Variants in EPHB2 observed in about 807,000 individuals in gnomAD.
EPHB2 encodes ephrin type-B receptor 2.
In EPHB2, 18 loss-of-function variants were observed where a neutral mutation model predicts 96.4. The ratio of observed to expected loss-of-function variants is 0.19; its 90% CI spans 0.13 to 0.28. EPHB2 has a LOEUF of 0.28. Ranked by LOEUF, EPHB2 falls within the 10% of genes least tolerant of loss-of-function variation. The probability of loss-of-function intolerance (pLI) is 1.00; values close to 1 mark genes in which losing one functional copy is unlikely to be tolerated. For missense variants in EPHB2, 989 were observed against 1,355.4 expected (o/e 0.73, Z 4.25); for synonymous variants, 506 against 534.1 (o/e 0.95, Z 0.72).
At chr1:22,830,093 C>T (rs1645282130) in intron 3 of EPHB2, among the ~76,000 whole-genome samples, 1 of 152,154 alleles carries the variant, frequency 6.6e-6, no homozygotes, top group South Asian at 2.1e-4. Context: ...TTTGCTTTTC[C>T]TTCCTTTAGA....
intron 12 of EPHB2, 71 bp from the exon 13 acceptor site, chr1:22,908,951 T>G: frequency 1.3e-6 from 2 of 1,595,172 alleles, no homozygotes; most frequent in South Asian, 2.2e-5. Context: ...GGGCACAGGG[T>G]GGGAGGATTA....
intron 3 of EPHB2, among the ~76,000 whole-genome samples, chr1:22,787,953 T>C (rs1644635893): frequency 6.6e-6 from 1 of 152,196 alleles, no homozygotes; most frequent in Non-Finnish European, 1.5e-5. Flanking sequence ...CCTCACCACA[T>C]GGGCCTCTTG....
chr1:22,748,629 C>T (rs1309635620), intron 1 of EPHB2, among the ~76,000 whole-genome samples: 6 of 151,752 alleles, frequency 4.0e-5, no homozygotes, highest in African/African-American at 1.5e-4. Context: ...ATCTGCCCAC[C>T]TCGGCCTCCC....
chr1:22,844,810 C>T (rs745661172), intron 3 of EPHB2, among the ~76,000 whole-genome samples: 7 of 152,188 alleles, frequency 4.6e-5, no homozygotes, highest in Admixed American at 2.6e-4. Context: ...TGACTGATCC[C>T]AGTCCTTTGG....
intron 1 of EPHB2, among the ~76,000 whole-genome samples, chr1:22,777,302 G>A (rs944892559): frequency 1.2e-4 from 18 of 152,120 alleles, no homozygotes; most frequent in Non-Finnish European, 2.5e-4. Context: ...AAGTTCCTGG[G>A]GCTTTGGAAG....
chr1:22,838,903 C>G (rs1014437286), intron 3 of EPHB2, among the ~76,000 whole-genome samples: 8 of 151,810 alleles, frequency 5.3e-5, no homozygotes, highest in African/African-American at 1.9e-4. Context: ...TGCTCTCCAG[C>G]CTGGGCGACA....
chr1:22,900,763 C>T lies in EPHB2; in HGVS notation c.1765+4285C>T, dbSNP rs372154980. Among the ~76,000 whole-genome samples, 12 of 152,270 alleles carry T rather than the reference C, an allele frequency of 7.9e-5. 1 individual carries two copies. The South Asian group carries it at 1.5e-3, about 18-fold the overall frequency. On this transcript the variant is annotated intron_variant, in intron 9 of 15. Coordinates refer to ENST00000374630, the MANE Select transcript of EPHB2 (RefSeq NM_017449.5). ...CCCCTCCCTGCATCCTAAGCTCTAACGTTAGATCCAAGCAGAACTTTGTTC... is the reference window on the plus strand; with the variant it reads ...CCCCTCCCTGCATCCTAAGCTCTAATGTTAGATCCAAGCAGAACTTTGTTC...
intron 1 of EPHB2, among the ~76,000 whole-genome samples, chr1:22,727,945 G>C (rs1431429044): frequency 6.6e-6 from 1 of 151,870 alleles, no homozygotes; most frequent in Non-Finnish European, 1.5e-5. Flanking sequence ...ACCTGGCTGA[G>C]ACTCAGACAT....
rs1639532141 is a variant in EPHB2, at chr1:22,895,573, T to C, written c.1693T>C (p.Cys565Arg). The C allele has an allele frequency of 6.2e-7, 1 of 1,614,212 alleles. No individual in the cohort carries two copies. Among genetic ancestry groups the C allele is most frequent in the Non-Finnish European group, 8.5e-7 (1 of 1,180,026 alleles). The change falls in exon 8 of 16, where the codon TGT becomes CGT. Residue 565 changes from cysteine (C) to arginine (R), a missense_variant. Transcript: ENST00000374630. ...TGCTGTGGTTGTCATCGCCATCGTG[T>C]GTAACAGGTGGGTGGGGTCTCCAGG... ...LIAVVVIAIV[C>R]NRRGFERADS...
rs574192831 is a variant in EPHB2 at position 22,747,895 on chromosome 1, T to C, written c.62-33526T>C. Among the ~76,000 whole-genome samples the C allele has an allele frequency of 2.6e-5, 4 of 152,368 alleles. No homozygotes were observed. The East Asian group carries it at 7.7e-4, about 29-fold the overall frequency. On this transcript the variant is annotated intron_variant, in intron 1 of 15. Coordinates refer to ENST00000374630, the MANE Select transcript of EPHB2 (RefSeq NM_017449.5). ...CTTTGGGCAAGTCACTTCACCTCTC[T>C]GTGCCTCAGTTACTTCATTCAGCAC...
At chr1:22,872,322 A>T (rs1378043524) in intron 5 of EPHB2, among the ~76,000 whole-genome samples, 1 of 152,118 alleles carries the variant, frequency 6.6e-6, no homozygotes, top group Non-Finnish European at 1.5e-5. Flanking sequence ...CTCTGCTGGG[A>T]AAGGTTCTCT....
At chr1:22,792,571 G>A (rs1644709538) in intron 3 of EPHB2, among the ~76,000 whole-genome samples, 1 of 151,660 alleles carries the variant, frequency 6.6e-6, no homozygotes, top group African/African-American at 2.4e-5. Context: ...CCATCCATTG[G>A]TCCATCCATC....
chr1:22,861,395 T>A (rs900417418), intron 3 of EPHB2, among the ~76,000 whole-genome samples: 4 of 152,130 alleles, frequency 2.6e-5, no homozygotes, highest in African/African-American at 9.7e-5. Flanking sequence ...CCCAGCACTC[T>A]GGGAGGCTGA....
At position 22,733,694 on chromosome 1, in the gene EPHB2, C is replaced by T. The variant is rs1443945116; in HGVS notation, c.61+22651C>T. On this transcript the variant is annotated intron_variant, in intron 1 of 15. Coordinates refer to ENST00000374630, the MANE Select transcript of EPHB2 (RefSeq NM_017449.5). The surrounding 1 kb of genome is among the most constrained non-coding windows in gnomAD (Gnocchi z 4.6). ...CCAAGGCCACATAGCCAGTAAGGGG[C>T]GGAAATGGGATTTGAACCCGCGATT... Among the ~76,000 whole-genome samples, 6 of 152,238 alleles carry T rather than the reference C, an allele frequency of 3.9e-5. No individual in the cohort carries two copies. The highest frequency in any genetic ancestry group is 1.2e-4 in the African/African-American group (5 of 41,542).
At chr1:22,739,053 T>A (rs1414957992) in intron 1 of EPHB2, among the ~76,000 whole-genome samples, 1 of 152,174 alleles carries the variant, frequency 6.6e-6, no homozygotes, top group African/African-American at 2.4e-5. Flanking sequence ...GTGTACTTTT[T>A]TTTAGCAACA....
intron 1 of EPHB2, among the ~76,000 whole-genome samples, chr1:22,771,712 G>A (rs1024284705): frequency 1.3e-5 from 2 of 152,172 alleles, no homozygotes; most frequent in Admixed American, 6.5e-5. Flanking sequence ...CCATGCACAC[G>A]GTAGCTGCCC....
At position 22,733,584 on chromosome 1, in the gene EPHB2, A is replaced by G. The variant is rs1643762641; in HGVS notation, c.61+22541A>G. Among the ~76,000 whole-genome samples, 1 of 152,214 alleles carries G rather than the reference A, an allele frequency of 6.6e-6. No individual in the cohort carries two copies. ...TGGCCTTATTATGTGCCATGTTGCCATGCTGAATCCACCACTGTGAGGCAG... is the reference window on the plus strand; with the variant it reads ...TGGCCTTATTATGTGCCATGTTGCCGTGCTGAATCCACCACTGTGAGGCAG... On this transcript the variant is annotated intron_variant, in intron 1 of 15. Coordinates refer to ENST00000374630, the MANE Select transcript of EPHB2 (RefSeq NM_017449.5). The surrounding 1 kb of genome is among the most constrained non-coding windows in gnomAD (Gnocchi z 4.6).
chr1:22,807,569 C>G (rs1644944711), intron 3 of EPHB2, among the ~76,000 whole-genome samples: 1 of 152,210 alleles, frequency 6.6e-6, no homozygotes, highest in African/African-American at 2.4e-5. Context: ...CCCCCATGGT[C>G]TGAGCATGTG....
At chr1:22,723,502 G>A (rs551410484) in intron 1 of EPHB2, among the ~76,000 whole-genome samples, 6 of 152,328 alleles carry the variant, frequency 3.9e-5, no homozygotes, top group African/African-American at 9.6e-5. Context: ...TGGCTGGCCC[G>A]GAAGCACAGC....
Sources: allele counts gnomAD v4.1 joint callset (sites outside exome capture counted in the v4.1 genomes callset), GRCh38; gene constraint gnomAD v4.1.1; non-coding constraint Gnocchi (gnomAD v3.1); transcripts MANE v1.5; gene names NCBI Gene and HGNC (gene_info 2026-07-23, HGNC 2026-07-21).